The following MOK variants were observed in gnomAD, a reference collection of about 807,000 sequenced individuals.
The protein encoded by MOK is MOK protein kinase, also known as MAPK/MAK/MRK overlapping kinase.
Under a neutral mutation model 54.2 loss-of-function variants are expected in MOK, and 59 were observed. The observed-to-expected ratio is 1.09, with a 90% CI of 0.88 to 1.35. The LOEUF (loss-of-function observed/expected upper bound fraction) is 1.35. MOK is among the 40% of genes most tolerant of loss of function. The probability of loss-of-function intolerance (pLI) is 0.00; values close to 1 mark genes in which losing one functional copy is unlikely to be tolerated. For synonymous variants in MOK, 210 were observed against 202.7 expected, an observed-to-expected ratio of 1.04 and a Z score of -0.31; for missense variants, 517 against 526.2, an observed-to-expected ratio of 0.98 and a Z score of 0.17.
intron 2 of MOK, 57 bp downstream of exon 2, chr14:102,283,421 C>A: frequency 1.8e-6 from 2 of 1,101,042 alleles, no homozygotes; most frequent in South Asian, 1.5e-5. Context: ...ATTAAGTTGC[C>A]GTTATTGACT....
chr14:102,229,729 G>A (rs78527496), intron 10 of MOK, 72 bp from the exon 11 acceptor site: 50,721 of 1,357,814 alleles, frequency 0.037, 1,178 homozygotes, highest in African/African-American at 0.1. Flanking sequence ...AAACGAAAGA[G>A]GCTCTTTTGT....
At position 102,249,435 on chromosome 14, in the gene MOK, C is replaced by A. The variant is rs543364449; in HGVS notation, c.590+1377G>T. 6.6e-6 allele frequency among the ~76,000 whole-genome samples: 1 copy of A among 152,112 alleles called. No homozygotes were observed. Among genetic ancestry groups the A allele is most frequent in the Non-Finnish European group, 1.5e-5 (1 of 68,034 alleles). The stretch of plus-strand genomic sequence containing the variant: ...AACAAGATTTTAAACCTGTGCTGGG[C>A]GCGGTGGCTCATGCCTGTAATCCCA... On this transcript the variant is annotated intron_variant, in intron 7 of 11. Transcript: ENST00000361847. This position sits in a 1 kb window ranked among gnomAD's most constrained non-coding sequence, Gnocchi z 5.3.
chr14:102,289,290 G>A (rs958853462), intron 1 of MOK, among the ~76,000 whole-genome samples: 25 of 151,836 alleles, frequency 1.6e-4, no homozygotes, highest in Admixed American at 1.3e-3. Flanking sequence ...GAGAGTATAA[G>A]GAACAGAAAT....
chr14:102,294,060 G>A (rs2071102540), intron 1 of MOK, among the ~76,000 whole-genome samples: 2 of 152,218 alleles, frequency 1.3e-5, no homozygotes, highest in South Asian at 2.1e-4. Flanking sequence ...AGCACTCTGG[G>A]AGGCTTAGGC....
intron 1 of MOK, among the ~76,000 whole-genome samples, chr14:102,297,131 GCAGATCACGAGGT>G (rs1316779741): frequency 3.9e-5 from 6 of 152,124 alleles, no homozygotes; most frequent in South Asian, 2.1e-4. Context: ...GCCAAGGTGG[GCAGATCACGAGGT>G]CAGGAGATCA....
chr14:102,292,057 C>T (rs113732887), intron 1 of MOK, among the ~76,000 whole-genome samples: 3 of 152,182 alleles, frequency 2.0e-5, no homozygotes, highest in African/African-American at 4.8e-5. Flanking sequence ...ATCATTAAGA[C>T]GTAATCCCTA....
intron 1 of MOK, among the ~76,000 whole-genome samples, chr14:102,299,408 G>A (rs894841260): frequency 6.6e-6 from 1 of 151,812 alleles, no homozygotes; most frequent in Admixed American, 6.6e-5. Context: ...CCAGCTACTC[G>A]GGAGGCTGAT....
intron 1 of MOK, among the ~76,000 whole-genome samples, chr14:102,284,844 G>C (rs1279711345): frequency 6.6e-6 from 1 of 152,160 alleles, no homozygotes; most frequent in South Asian, 2.1e-4. Flanking sequence ...TTAGGAGGCC[G>C]AGGCAGGCAG....
In MOK at chr14:102,245,864, G is replaced by A. The variant is rs2066056158; in HGVS notation, c.590+4948C>T. ...GCTCCCACCTCCGATCCTCCAACCA[G>A]CACCTCACCAACTTCTAACTGGTAT... On this transcript the variant is annotated intron_variant, in intron 7 of 11. Coordinates refer to ENST00000361847, the MANE Select transcript of MOK (RefSeq NM_014226.3). The surrounding 1 kb of genome is among the most constrained non-coding windows in gnomAD (Gnocchi z 4.3). Among the ~76,000 whole-genome samples, 1 of 151,978 alleles carries A rather than the reference G, an allele frequency of 6.6e-6. No individual in the cohort carries two copies. The highest frequency in any genetic ancestry group is 2.4e-5 in the African/African-American group (1 of 41,366).
chr14:102,283,424 T>C, intron 2 of MOK, 54 bp downstream of exon 2: 1 of 1,166,778 alleles, frequency 8.6e-7, no homozygotes, highest in East Asian at 2.4e-5. Flanking sequence ...AAGTTGCCGT[T>C]ATTGACTGAA....
rs1005452593 is a variant in MOK, at chr14:102,229,063, A to G, written c.*226T>C. The G allele has an allele frequency of 2.4e-5, 12 of 500,808 alleles. No individual in the cohort carries two copies. The Admixed American group carries it at 3.8e-4, about 16-fold the overall frequency. The allele number at this position is 500,808 out of a possible 1,614,324, so 31.0% of individuals were successfully genotyped here. A position where few individuals can be genotyped will look rare whatever the true frequency, so the allele number is the denominator to read the frequency against. ...AAATTCTTAACGAAAATGAAAGAAA[A>G]CCCTAGAATGCGGTGGTTTTACAAG... is the stretch of plus-strand genomic sequence containing the variant. On this transcript the variant is annotated 3_prime_UTR_variant, in exon 12 of 12. Coordinates refer to ENST00000361847, the MANE Select transcript of MOK (RefSeq NM_014226.3).
Position 102,232,939 on chromosome 14 carries a change from C to A in MOK, c.693-231G>T. On this transcript the variant is annotated intron_variant, in intron 8 of 11. Transcript: ENST00000361847. This position sits in a 1 kb window ranked among gnomAD's most constrained non-coding sequence, Gnocchi z 5.1. ...CATCGACCATAATAAACACACCACTCGAGGCAGGTGCTGACGACAGGGGAG... is the reference window on the plus strand; with the variant it reads ...CATCGACCATAATAAACACACCACTAGAGGCAGGTGCTGACGACAGGGGAG... 1 of 350,456 alleles carries A rather than the reference C, an allele frequency of 2.9e-6. No individual in the cohort carries two copies. The highest frequency in any genetic ancestry group is 4.7e-5 in the East Asian group (1 of 21,180). 21.7% of individuals were successfully genotyped at this position (350,456 alleles called of 1,614,324 possible).
Position 102,255,340 on chromosome 14 carries a change from A to T in MOK, c.284-3345T>A, listed in dbSNP as rs143256626. 4.8e-3 allele frequency among the ~76,000 whole-genome samples: 730 copies of T among 151,456 alleles called. 6 individuals carry two copies. The highest frequency in any genetic ancestry group is 0.016 in the African/African-American group (657 of 41,262). The stretch of plus-strand genomic sequence containing the variant: ...CTCAAAAAACAATAAAATAAAATTT[A>T]AAAAAAAAGCAGATTTCAAGGCCTG... On this transcript the variant is annotated intron_variant, in intron 4 of 11. Transcript: ENST00000361847.
chr14:102,291,148 G>A (rs1460374145), intron 1 of MOK, among the ~76,000 whole-genome samples: 1 of 152,118 alleles, frequency 6.6e-6, no homozygotes, highest in Non-Finnish European at 1.5e-5. Context: ...GACAGAGCAC[G>A]GTACCATATC....
chr14:102,229,844 G>A, intron 10 of MOK, 187 bp from the exon 11 acceptor site: 1 of 603,428 alleles, frequency 1.7e-6, no homozygotes, highest in Non-Finnish European at 2.9e-6. Flanking sequence ...AGTCCCACGG[G>A]GGAGGCCAAA....
chr14:102,296,163 T>A (rs1304209913), intron 1 of MOK, among the ~76,000 whole-genome samples: 1 of 151,354 alleles, frequency 6.6e-6, no homozygotes, highest in South Asian at 2.1e-4. Flanking sequence ...GGAGAATCGC[T>A]TGAACCCAGA....
rs906760172 is a variant in MOK, at chr14:102,238,229, T to C, written c.591-4440A>G. On this transcript the variant is annotated intron_variant, in intron 7 of 11. Transcript: ENST00000361847. This position sits in a 1 kb window ranked among gnomAD's most constrained non-coding sequence, Gnocchi z 4.8. Reference sequence around the variant, plus strand: ...GACCGAGTAATTGAAGCTAAGCCCCTACCTCCAGGAACCTCCTCTCAAAAA... The same window carrying C: ...GACCGAGTAATTGAAGCTAAGCCCCCACCTCCAGGAACCTCCTCTCAAAAA... 22 of 152,236 alleles carry C rather than the reference T, an allele frequency of 1.4e-4. No homozygotes were observed. Among genetic ancestry groups the C allele is most frequent in the Admixed American group, 4.6e-4 (7 of 15,270 alleles). 9.4% of individuals were successfully genotyped at this position (152,236 alleles called of 1,614,324 possible).
intron 1 of MOK, among the ~76,000 whole-genome samples, chr14:102,298,798 G>T (rs757228035): frequency 1.3e-5 from 2 of 152,150 alleles, no homozygotes; most frequent in Non-Finnish European, 2.9e-5. Flanking sequence ...TTGGGTCCAG[G>T]CTGCTTTTAT....
downstream of MOK, among the ~76,000 whole-genome samples, chr14:102,227,624 G>A (rs927316814): frequency 6.6e-6 from 1 of 152,094 alleles, no homozygotes; most frequent in Non-Finnish European, 1.5e-5. Flanking sequence ...CTCACTTCCG[G>A]TCTGAACATT....
Sources: allele counts gnomAD v4.1 joint callset (sites outside exome capture counted in the v4.1 genomes callset), GRCh38; gene constraint gnomAD v4.1.1; non-coding constraint Gnocchi (gnomAD v3.1); transcripts MANE v1.5; gene names NCBI Gene and HGNC (gene_info 2026-07-23, HGNC 2026-07-21).